The following PTPRJ variants were observed in gnomAD, a reference collection of about 807,000 sequenced individuals.
The protein encoded by PTPRJ is protein tyrosine phosphatase receptor type J.
In PTPRJ, 129 loss-of-function variants were observed where a neutral mutation model predicts 141.3. The ratio of observed to expected loss-of-function variants is 0.91; its 90% CI spans 0.79 to 1.06. The LOEUF (loss-of-function observed/expected upper bound fraction) is 1.06, where lower values mean the gene tolerates loss of function less well. Ranked by LOEUF, PTPRJ falls within the 50% of genes least tolerant of loss-of-function variation. PTPRJ has a pLI of 0.00. For missense variants in PTPRJ, 1,601 were observed against 1,679.7 expected, an observed-to-expected ratio of 0.95 and a Z score of 0.82; for synonymous variants, 610 against 640.5, an observed-to-expected ratio of 0.95 and a Z score of 0.72.
At chr11:48,109,871 C>A (rs1856394162) in intron 1 of PTPRJ, among the ~76,000 whole-genome samples, 187 bp from the exon 2 acceptor site, 1 of 152,254 alleles carries the variant, frequency 6.6e-6, no homozygotes, top group East Asian at 1.9e-4. Context: ...TTGTAATTGA[C>A]CCCGAGGTTG....
At chr11:48,088,392 A>C (rs1855771426) in intron 1 of PTPRJ, among the ~76,000 whole-genome samples, 1 of 152,170 alleles carries the variant, frequency 6.6e-6, no homozygotes, top group African/African-American at 2.4e-5. Flanking sequence ...AACTGCCATA[A>C]ATTATCTTGT....
intron 19 of PTPRJ, among the ~76,000 whole-genome samples, chr11:48,155,135 TA>T: frequency 6.6e-6 from 1 of 152,198 alleles, no homozygotes; most frequent in Non-Finnish European, 1.5e-5. Flanking sequence ...ATGACAATAA[TA>T]TTTATAAAAC....
chr11:47,986,878 A>C (rs1314995255), intron 1 of PTPRJ, among the ~76,000 whole-genome samples: 1 of 152,218 alleles, frequency 6.6e-6, no homozygotes, highest in African/African-American at 2.4e-5. Context: ...GGGTGTGTGC[A>C]AGATGAACTG....
intron 1 of PTPRJ, among the ~76,000 whole-genome samples, chr11:48,107,253 GAA>G (rs1005676924): frequency 7.0e-6 from 1 of 142,984 alleles, no homozygotes. Context: ...TGCTGGCAAG[GAA>G]AAAAAAAAAG....
intron 6 of PTPRJ, among the ~76,000 whole-genome samples, 182 bp from the exon 7 acceptor site, chr11:48,127,598 G>A (rs1455393908): frequency 6.6e-6 from 1 of 152,112 alleles, no homozygotes; most frequent in South Asian, 2.1e-4. Context: ...TTTCTTCACC[G>A]CCCAATGATG....
chr11:48,121,273 T>C lies in PTPRJ; in HGVS notation c.616+7T>C, dbSNP rs1449472284. On this transcript the variant is annotated splice_region_variant and intron_variant, in intron 4 of 24. Transcript: ENST00000418331. ...GTCATAAAAGTCATCACAGGTAAGA[T>C]GACTGGCTCCCAGGGATGATGACAA... is the stretch of plus-strand genomic sequence containing the variant. 1.2e-6 allele frequency: 2 copies of C among 1,612,480 alleles called. No individual in the cohort carries two copies. The highest frequency in any genetic ancestry group is 1.7e-6 in the Non-Finnish European group (2 of 1,178,584).
chr11:48,038,481 G>A (rs1854184001), intron 1 of PTPRJ, among the ~76,000 whole-genome samples: 1 of 151,974 alleles, frequency 6.6e-6, no homozygotes, highest in African/African-American at 2.4e-5. Flanking sequence ...AGGCAGCTCT[G>A]CCTATGGAGT....
chr11:48,115,673 C>T (rs1381810847), intron 3 of PTPRJ, among the ~76,000 whole-genome samples: 1 of 152,170 alleles, frequency 6.6e-6, no homozygotes, highest in Non-Finnish European at 1.5e-5. Flanking sequence ...AATGGTCATA[C>T]ATATCTTTAA....
At chr11:47,989,397 G>C (rs1854134069) in intron 1 of PTPRJ, among the ~76,000 whole-genome samples, 2 of 151,654 alleles carry the variant, frequency 1.3e-5, no homozygotes, top group African/African-American at 2.4e-5. Context: ...TTTCTGAGTA[G>C]CTGGGATTAC....
At chr11:48,031,470 C>A (rs995582777) in intron 1 of PTPRJ, among the ~76,000 whole-genome samples, 1 of 152,196 alleles carries the variant, frequency 6.6e-6, no homozygotes, top group Non-Finnish European at 1.5e-5. Context: ...AAGCATGATA[C>A]AGATGATGAA....
At chr11:48,056,941 C>T (rs1034937628) in intron 1 of PTPRJ, among the ~76,000 whole-genome samples, 3 of 152,206 alleles carry the variant, frequency 2.0e-5, no homozygotes, top group South Asian at 4.1e-4. Context: ...GCGACAAGAG[C>T]GAAACTCTGT....
Position 48,136,313 on chromosome 11 carries a change from G to T in PTPRJ, c.1873+17G>T. The T allele has an allele frequency of 6.2e-7, 1 of 1,610,386 alleles. No individual in the cohort carries two copies. Among genetic ancestry groups the T allele is most frequent in the South Asian group, 1.1e-5 (1 of 90,902 alleles). ...AGTACACACGTAAGTCTCTTAGGAT[G>T]CCCTTCTAAGGAACAGCCTCTCTAA... On this transcript the variant is annotated intron_variant, in intron 9 of 24. Coordinates refer to ENST00000418331, the MANE Select transcript of PTPRJ (RefSeq NM_002843.4).
intron 1 of PTPRJ, among the ~76,000 whole-genome samples, chr11:48,065,273 C>G (rs1377616872): frequency 6.6e-6 from 1 of 152,074 alleles, no homozygotes; most frequent in Non-Finnish European, 1.5e-5. Context: ...CTCTGCCTCC[C>G]AAAGTGATGG....
rs923440521 is a variant in PTPRJ, at chr11:48,169,989, T to C, written c.*2627T>C. 5.3e-5 allele frequency: 8 copies of C among 152,018 alleles called. No individual in the cohort carries two copies. The highest frequency in any genetic ancestry group is 1.9e-4 in the African/African-American group (8 of 41,352). 9.4% of individuals were successfully genotyped at this position (152,018 alleles called of 1,614,324 possible). ...ACAGTGCTTGAAAAGGGAAGATTAA[T>C]GTGTAAATATAAAGGACACACAGGC... On this transcript the variant is annotated 3_prime_UTR_variant, in exon 25 of 25. Transcript: ENST00000418331.
chr11:48,127,703 C>T (rs1856875600), intron 6 of PTPRJ, 77 bp from the exon 7 acceptor site: 15 of 1,475,338 alleles, frequency 1.0e-5, no homozygotes, highest in Non-Finnish European at 1.3e-5. Flanking sequence ...CTGGGCTTGA[C>T]AGCATGCCCT....
intron 8 of PTPRJ, among the ~76,000 whole-genome samples, chr11:48,135,819 T>C (rs111582147): frequency 2.3e-4 from 35 of 152,236 alleles, no homozygotes; most frequent in African/African-American, 7.9e-4. Context: ...ACTGGAGAAC[T>C]GGTAAGATAA....
At chr11:48,123,120 T>G (rs139487385) in intron 4 of PTPRJ, among the ~76,000 whole-genome samples, 1 of 152,360 alleles carries the variant, frequency 6.6e-6, no homozygotes, top group East Asian at 1.9e-4. Context: ...AAAAATCCCC[T>G]TGGTGCTGGG....
intron 1 of PTPRJ, among the ~76,000 whole-genome samples, chr11:47,999,863 C>CTTTTTTTTTTTTTTTTTT (rs1209647054): frequency 7.3e-6 from 1 of 136,282 alleles, no homozygotes. Flanking sequence ...CGAGATTCTT[C>CTTTTTTTTTTTTTTTTTT]TTTTTTTTTT....
chr11:48,036,893 T>C (rs1273093047), intron 1 of PTPRJ, among the ~76,000 whole-genome samples: 1 of 152,226 alleles, frequency 6.6e-6, no homozygotes, highest in East Asian at 1.9e-4. Flanking sequence ...TGCTCCAGAA[T>C]TGTATTTCTG....
Sources: gnomAD v4.1 joint callset for allele counts (sites outside exome capture counted in the v4.1 genomes callset) on GRCh38, gnomAD v4.1.1 for gene constraint, MANE v1.5 for transcripts, NCBI Gene and HGNC (gene_info 2026-07-23, HGNC 2026-07-21) for gene names.